The following ADAMTSL1 variants were observed in gnomAD, a reference collection of about 807,000 sequenced individuals.
The protein encoded by ADAMTSL1 is ADAMTS-like protein 1.
In ADAMTSL1, 126 loss-of-function variants were observed where a neutral mutation model predicts 201.8. The ratio of observed to expected loss-of-function variants is 0.62; its 90% CI spans 0.54 to 0.72. ADAMTSL1 has a LOEUF of 0.72. ADAMTSL1 is among the 30% of genes least tolerant of loss of function. ADAMTSL1 has a pLI of 0.00. For synonymous variants in ADAMTSL1, 1,121 were observed against 903.4 expected (o/e 1.24, Z -4.32); for missense variants, 2,679 against 2,277.8 (o/e 1.18, Z -3.59).
At chr9:18,689,255 A>G (rs1325837903) in intron 13 of ADAMTSL1, among the ~76,000 whole-genome samples, 1 of 152,200 alleles carries the variant, frequency 6.6e-6, no homozygotes, top group Non-Finnish European at 1.5e-5. Context: ...ATGCATAAAC[A>G]TCACTATCAC....
chr9:18,431,502 A>C (rs1389683912), intron 2 of ADAMTSL1, among the ~76,000 whole-genome samples: 1 of 152,218 alleles, frequency 6.6e-6, no homozygotes, highest in Non-Finnish European at 1.5e-5. Flanking sequence ...GATAAGAATT[A>C]ATATATAGGA....
intron 1 of ADAMTSL1, among the ~76,000 whole-genome samples, chr9:17,924,784 A>G (rs1299519830): frequency 1.7e-5 from 2 of 115,580 alleles, no homozygotes; most frequent in East Asian, 4.9e-4. Context: ...CATTCAGGAC[A>G]TAGGCATGGG....
intron 7 of ADAMTSL1, among the ~76,000 whole-genome samples, chr9:18,643,769 T>C (rs117396203): frequency 0.043 from 6,596 of 152,196 alleles, 194 homozygotes; most frequent in South Asian, 0.085. Context: ...CCATGTTGTT[T>C]TGATTACTAT....
rs1052420307 is a variant in ADAMTSL1, at chr9:18,717,986, C to G, written c.1877-3550C>G. ...GCACTTAGTACATTAAAGCAGCTGA[C>G]ATGATGACTTTTTGCGAGCCTTCCC... On this transcript the variant is annotated intron_variant, in intron 14 of 28. Transcript: ENST00000380548. 2.5e-6 allele frequency: 4 copies of G among 1,587,636 alleles called. No individual in the cohort carries two copies. In the East Asian group the frequency reaches 8.9e-5, roughly 35 times the overall value.
chr9:18,722,783 A>G (rs1010134022), intron 15 of ADAMTSL1, among the ~76,000 whole-genome samples: 25 of 152,226 alleles, frequency 1.6e-4, no homozygotes, highest in Admixed American at 1.6e-3. Flanking sequence ...AGGCAACCAT[A>G]AAATCAGTCA....
At chr9:17,972,976 G>C (rs10963370) in intron 1 of ADAMTSL1, among the ~76,000 whole-genome samples, 118,043 of 145,874 alleles carry the variant, frequency 0.81, 48,263 homozygotes, top group East Asian at 0.92. Context: ...TGAGAAGTGT[G>C]TATTCATATC....
At chr9:18,835,856 A>C (rs1371626195) in intron 23 of ADAMTSL1, among the ~76,000 whole-genome samples, 1 of 152,126 alleles carries the variant, frequency 6.6e-6, no homozygotes, top group African/African-American at 2.4e-5. Context: ...TTATGGCTGC[A>C]TAGTATCCTA....
chr9:18,667,366 A>C (rs1178585756), intron 9 of ADAMTSL1, among the ~76,000 whole-genome samples: 1 of 152,212 alleles, frequency 6.6e-6, no homozygotes, highest in East Asian at 1.9e-4. Flanking sequence ...TAGGCATGTA[A>C]AAATACTGAT....
intron 14 of ADAMTSL1, chr9:18,718,224 C>G (rs1298877465): frequency 7.8e-6 from 6 of 767,588 alleles, no homozygotes; most frequent in Middle Eastern, 2.3e-4. Flanking sequence ...GTCTTTAACT[C>G]AAAGAATCTG....
At chr9:18,771,399 C>G (rs1403397571) in intron 17 of ADAMTSL1, among the ~76,000 whole-genome samples, 1 of 152,232 alleles carries the variant, frequency 6.6e-6, no homozygotes, top group Admixed American at 6.5e-5. Context: ...AAGTTAGAGA[C>G]ATACCTCTGA....
At chr9:18,089,780 T>G (rs903592575) in intron 1 of ADAMTSL1, among the ~76,000 whole-genome samples, 1 of 152,150 alleles carries the variant, frequency 6.6e-6, no homozygotes, top group Non-Finnish European at 1.5e-5. Flanking sequence ...AATTGCTTAT[T>G]GATAGAATAT....
At chr9:18,887,444 A>AT (rs1828968872) in intron 23 of ADAMTSL1, among the ~76,000 whole-genome samples, 1 of 152,208 alleles carries the variant, frequency 6.6e-6, no homozygotes, top group Non-Finnish European at 1.5e-5. Context: ...ATAGTATGGT[A>AT]TTTTTTCCCA....
intron 1 of ADAMTSL1, among the ~76,000 whole-genome samples, chr9:18,006,786 A>T (rs775052028): frequency 9.9e-5 from 15 of 152,044 alleles, no homozygotes; most frequent in Non-Finnish European, 1.5e-4. Flanking sequence ...GCATACTTAC[A>T]TTGTGATGAC....
intron 2 of ADAMTSL1, among the ~76,000 whole-genome samples, chr9:18,395,087 CAG>C (rs746571742): frequency 6.6e-6 from 1 of 152,180 alleles, no homozygotes; most frequent in East Asian, 1.9e-4. Context: ...ACAGATCTGT[CAG>C]AGTTTCCTCT....
At chr9:18,420,109 T>C (rs948941494) in intron 2 of ADAMTSL1, among the ~76,000 whole-genome samples, 9 of 152,342 alleles carry the variant, frequency 5.9e-5, no homozygotes, top group Middle Eastern at 3.4e-3. Flanking sequence ...CATTACAGTT[T>C]CGCCAAATAG....
chr9:18,224,359 A>C (rs1830369023), intron 2 of ADAMTSL1, among the ~76,000 whole-genome samples: 1 of 152,126 alleles, frequency 6.6e-6, no homozygotes, highest in African/African-American at 2.4e-5. Context: ...GCAGAAGAGC[A>C]AAAATGGGGA....
At chr9:18,148,891 A>G (rs1355582151) in intron 1 of ADAMTSL1, among the ~76,000 whole-genome samples, 1 of 152,140 alleles carries the variant, frequency 6.6e-6, no homozygotes, top group Non-Finnish European at 1.5e-5. Flanking sequence ...TATATGTAAT[A>G]CATGTTTACA....
chr9:18,069,795 G>T (rs1014384776), intron 1 of ADAMTSL1, among the ~76,000 whole-genome samples: 3 of 152,328 alleles, frequency 2.0e-5, no homozygotes, highest in Non-Finnish European at 2.9e-5. Context: ...CCATGAGAAA[G>T]ATCAGGAGGT....
chr9:18,354,230 T>C (rs1836109809), intron 2 of ADAMTSL1, among the ~76,000 whole-genome samples: 1 of 151,882 alleles, frequency 6.6e-6, no homozygotes, highest in Non-Finnish European at 1.5e-5. Context: ...AAATGTACCA[T>C]AATTTAATTA....
Sources: gnomAD v4.1 joint callset for allele counts (sites outside exome capture counted in the v4.1 genomes callset) on GRCh38, gnomAD v4.1.1 for gene constraint, MANE v1.5 for transcripts, NCBI Gene and HGNC (gene_info 2026-07-23, HGNC 2026-07-21) for gene names.